Variants in NDUFA10 observed in about 807,000 individuals in gnomAD.
NDUFA10 encodes NADH dehydrogenase [ubiquinone] 1 alpha subcomplex subunit 10, mitochondrial.
A neutral mutation model predicts 47.8 loss-of-function variants in NDUFA10; 40 were observed. That is an observed-to-expected ratio of 0.84 (90% CI 0.65 to 1.09). NDUFA10 has a LOEUF of 1.09. Among genes scored for constraint, NDUFA10 ranks in the 50% least tolerant of loss-of-function variants. The pLI, the probability that NDUFA10 is intolerant of heterozygous loss-of-function variation, is 0.00. For synonymous variants in NDUFA10, 183 were observed against 172.2 expected (o/e 1.06, Z -0.49); for missense variants, 413 against 451.1 (o/e 0.92, Z 0.76).
In NDUFA10 at chr2:240,011,707, G is replaced by A. The variant is rs1697152618; in HGVS notation, c.670-11C>T. 2 of 1,603,958 alleles carry A rather than the reference G, an allele frequency of 1.2e-6. No homozygotes were observed. Among genetic ancestry groups the A allele is most frequent in the African/African-American group, 2.7e-5 (2 of 74,810 alleles). ...CTTCATTTCATGTGGCTAAACAGAA[G>A]CAGAAAAATCAAACTGGGAAACATT... On this transcript the variant is annotated splice_polypyrimidine_tract_variant and intron_variant, in intron 5 of 9. Transcript: ENST00000252711.
At position 240,007,637 on chromosome 2, in the gene NDUFA10, C is replaced by T. The variant is rs553996215; in HGVS notation, c.750-267G>A. ...TCCCTTCTCCTGACTACACTGCCCC[C>T]AAGCCAAGGGCGTGACAGACCACAG... On this transcript the variant is annotated intron_variant, in intron 6 of 9. Transcript: ENST00000252711. Among the ~76,000 whole-genome samples the T allele has an allele frequency of 5.3e-5, 8 of 152,322 alleles. No homozygotes were observed. The South Asian group carries it at 1.7e-3, about 32-fold the overall frequency.
chr2:239,922,392 C>T (rs1362277474), intron 4 of NDUFA10, among the ~76,000 whole-genome samples: 1 of 152,182 alleles, frequency 6.6e-6, no homozygotes. Context: ...GAGCTGCAGG[C>T]CAAGGCATCA....
chr2:239,960,117 T>C lies in NDUFA10; in HGVS notation c.*1001A>G. ...CTAGGAGCTACCATATTGGACACAGTGGAGCTTTACAGTGGAAAACCCACA... is the reference window on the plus strand; with the variant it reads ...CTAGGAGCTACCATATTGGACACAGCGGAGCTTTACAGTGGAAAACCCACA... On this transcript the variant is annotated 3_prime_UTR_variant, in exon 10 of 10. Coordinates refer to ENST00000252711, the MANE Select transcript of NDUFA10 (RefSeq NM_004544.4). 1.0e-6 allele frequency: 1 copy of C among 985,386 alleles called. No individual in the cohort carries two copies. Among genetic ancestry groups the C allele is most frequent in the African/African-American group, 1.7e-5 (1 of 57,314 alleles). The allele number at this position is 985,386 out of a possible 1,614,324, so 61.0% of individuals were successfully genotyped here.
At chr2:239,942,543 G>A (rs544756352) in intron 4 of NDUFA10, among the ~76,000 whole-genome samples, 1 of 152,310 alleles carries the variant, frequency 6.6e-6, no homozygotes, top group East Asian at 1.9e-4. Flanking sequence ...TCATTTCTTA[G>A]TCTTATACGT....
intron 9 of NDUFA10, chr2:239,973,641 C>G: frequency 2.1e-6 from 1 of 469,806 alleles, no homozygotes; most frequent in Non-Finnish European, 4.4e-6. Context: ...CATCTGGCTT[C>G]CTTCCATTGA....
At chr2:239,916,340 G>C (rs1693879761) in intron 4 of NDUFA10, among the ~76,000 whole-genome samples, 3 of 149,146 alleles carry the variant, frequency 2.0e-5, no homozygotes, top group Admixed American at 2.0e-4. Flanking sequence ...CACATGCACA[G>C]AACACACACA....
At chr2:239,907,628 C>A (rs1307885795) in intron 4 of NDUFA10, among the ~76,000 whole-genome samples, 1 of 152,214 alleles carries the variant, frequency 6.6e-6, no homozygotes, top group East Asian at 1.9e-4. Context: ...ATTTATGCAG[C>A]CAACAGACAC....
intron 9 of NDUFA10, among the ~76,000 whole-genome samples, chr2:239,972,991 C>T (rs914363882): frequency 1.3e-4 from 20 of 152,064 alleles, no homozygotes; most frequent in African/African-American, 4.6e-4. Context: ...CATACCACAG[C>T]AATCACATAC....
At position 239,990,662 on chromosome 2, in the gene NDUFA10, T is replaced by C. The variant is rs182535450; in HGVS notation, c.891-480A>G. ...TTGCAGCCAGCGTCTTACTGCTCTG[T>C]TCTGTATGCTGAGGCCAACATAGGA... On this transcript the variant is annotated intron_variant, in intron 8 of 9. Transcript: ENST00000252711. Among the ~76,000 whole-genome samples, 124 of 152,320 alleles carry C rather than the reference T, an allele frequency of 8.1e-4. 2 individuals are homozygous for C. In the South Asian group the frequency reaches 0.015, roughly 18 times the overall value.
At chr2:239,952,642 C>A (rs1308704339), downstream of NDUFA10, among the ~76,000 whole-genome samples, 1 of 152,222 alleles carries the variant, frequency 6.6e-6, no homozygotes, top group African/African-American at 2.4e-5. Flanking sequence ...GGATGGGCAA[C>A]CCTGTGCCAG....
At chr2:240,002,049 G>C (rs1696740998) in intron 8 of NDUFA10, among the ~76,000 whole-genome samples, 2 of 152,148 alleles carry the variant, frequency 1.3e-5, no homozygotes. Flanking sequence ...AGACAAGGAA[G>C]GCCGGCGCAG....
chr2:239,999,858 G>C (rs911941198), intron 8 of NDUFA10, among the ~76,000 whole-genome samples: 1 of 152,346 alleles, frequency 6.6e-6, no homozygotes, highest in East Asian at 1.9e-4. Context: ...CCATGTGACA[G>C]GTTCCTGCCG....
rs117837540 is a variant in NDUFA10, at chr2:239,919,866, G to A, written c.295-24552C>T. 2.1e-3 allele frequency among the ~76,000 whole-genome samples: 314 copies of A among 152,362 alleles called. 6 individuals are homozygous for A. In the East Asian group the frequency reaches 0.033, roughly 16 times the overall value. On this transcript the variant is annotated intron_variant, in intron 4 of 5. Coordinates refer to the NDUFA10 transcript ENST00000419408. Reference sequence around the variant, plus strand: ...GGGGGAAGACACGGCCCCTACGGAAGGAGGGGTGGGGCCGCCCAGGTCTGC... The same window carrying A: ...GGGGGAAGACACGGCCCCTACGGAAAGAGGGGTGGGGCCGCCCAGGTCTGC...
intron 9 of NDUFA10, among the ~76,000 whole-genome samples, chr2:239,964,457 C>T (rs2106398504): frequency 6.6e-6 from 1 of 152,266 alleles, no homozygotes; most frequent in Middle Eastern, 3.4e-3. Flanking sequence ...TAGGAGGATG[C>T]ATGTGTATTG....
In NDUFA10 at chr2:239,957,889, A is replaced by C. The variant is rs919432549; in HGVS notation, c.*3229T>G. ...GAGAAGAGGCTCCTTTTCCCAAGGG[A>C]AGCTCGCTGCTTCGAGTCACACACG... On this transcript the variant is annotated 3_prime_UTR_variant, in exon 10 of 10. Transcript: ENST00000252711. 6.6e-6 allele frequency: 1 copy of C among 152,252 alleles called. No homozygotes were observed. The highest frequency in any genetic ancestry group is 1.5e-5 in the Non-Finnish European group (1 of 68,062). The allele number at this position is 152,252 out of a possible 1,614,324, so 9.4% of individuals were successfully genotyped here.
At chr2:239,980,689 T>C (rs1001381149) in intron 9 of NDUFA10, among the ~76,000 whole-genome samples, 13 of 152,190 alleles carry the variant, frequency 8.5e-5, no homozygotes, top group African/African-American at 3.1e-4. Flanking sequence ...CCTCTGGAAA[T>C]GCTTCTACAT....
chr2:239,964,581 A>G (rs1006671352), intron 9 of NDUFA10, among the ~76,000 whole-genome samples: 6 of 152,102 alleles, frequency 3.9e-5, no homozygotes, highest in Non-Finnish European at 7.4e-5. Flanking sequence ...AGGAAGAAAA[A>G]AACTGTGCAG....
intron 4 of NDUFA10, among the ~76,000 whole-genome samples, chr2:239,917,013 T>A (rs1693891943): frequency 6.6e-6 from 1 of 152,102 alleles, no homozygotes; most frequent in African/African-American, 2.4e-5. Flanking sequence ...TCCAGTGTGG[T>A]CACACCCAGA....
intron 4 of NDUFA10, among the ~76,000 whole-genome samples, chr2:239,929,051 C>T (rs1303440330): frequency 6.6e-6 from 1 of 152,240 alleles, no homozygotes; most frequent in Non-Finnish European, 1.5e-5. Flanking sequence ...AGGCTTGAAC[C>T]CCCTCCCGTG....
Sources: allele counts gnomAD v4.1 joint callset (sites outside exome capture counted in the v4.1 genomes callset), GRCh38; gene constraint gnomAD v4.1.1; transcripts MANE v1.5; gene names NCBI Gene and HGNC (gene_info 2026-07-23, HGNC 2026-07-21).